Variants in PRELID2 observed in about 807,000 individuals in gnomAD.
The protein encoded by PRELID2 is PRELI domain-containing protein 2.
In PRELID2, 25 loss-of-function variants were observed where a neutral mutation model predicts 28.4. The observed-to-expected ratio is 0.88, with a 90% CI of 0.64 to 1.23. PRELID2 has a LOEUF of 1.23. Ranked by LOEUF, PRELID2 falls within the 50% of genes most tolerant of loss-of-function variation. PRELID2 has a pLI of 0.00. For missense variants in PRELID2, 201 were observed against 214.4 expected (o/e 0.94, Z 0.39); for synonymous variants, 76 against 71.6 (o/e 1.06, Z -0.31).
At chr5:145,462,487 A>C in the PRELID2 span, among the ~76,000 whole-genome samples, 1 of 152,230 alleles carries the variant, frequency 6.6e-6, no homozygotes, top group Non-Finnish European at 1.5e-5. Flanking sequence ...AGCTGTCCAA[A>C]AATTGCATGA....
At chr5:145,332,668 TA>T in the PRELID2 span, among the ~76,000 whole-genome samples, 5 of 152,084 alleles carry the variant, frequency 3.3e-5, no homozygotes, top group South Asian at 1.0e-3. Context: ...GCAATTCTTC[TA>T]ACCTTTTTTA....
intron 1 of PRELID2, among the ~76,000 whole-genome samples, chr5:145,602,971 GA>G (rs1190464255): frequency 6.6e-6 from 1 of 152,132 alleles, no homozygotes; most frequent in Non-Finnish European, 1.5e-5. Flanking sequence ...AGAATTGCTT[GA>G]ACCCAGGAGG....
At chr5:145,520,291 G>T (rs1228370179) in intron 1 of PRELID2, among the ~76,000 whole-genome samples, 1 of 152,222 alleles carries the variant, frequency 6.6e-6, no homozygotes, top group East Asian at 1.9e-4. Flanking sequence ...CTTCTGAACT[G>T]GTGGTAAAGG....
At chr5:145,314,214 C>T in the PRELID2 span, among the ~76,000 whole-genome samples, 2 of 152,252 alleles carry the variant, frequency 1.3e-5, no homozygotes, top group African/African-American at 4.8e-5. Context: ...GAACTGAAGC[C>T]CAGGTATGAT....
downstream of PRELID2, chr5:145,754,203 C>T (rs1757198140): frequency 6.6e-6 from 1 of 152,190 alleles, no homozygotes. Flanking sequence ...CCAGCTCCAC[C>T]CTTCTGTATA....
At chr5:145,762,570 G>T (rs1458951377) in intron 6 of PRELID2, among the ~76,000 whole-genome samples, 1 of 151,806 alleles carries the variant, frequency 6.6e-6, no homozygotes, top group East Asian at 1.9e-4. Context: ...ACAGAACATG[G>T]GTAACAAGAC....
intron 1 of PRELID2, among the ~76,000 whole-genome samples, chr5:145,737,423 A>AT (rs5871941): frequency 0.74 from 111,711 of 150,608 alleles, 43,272 homozygotes; most frequent in East Asian, 0.88. Flanking sequence ...GATGTTATTT[A>AT]TTTAAAAAAA....
At chr5:145,276,179 G>A in the PRELID2 span, among the ~76,000 whole-genome samples, 2 of 152,010 alleles carry the variant, frequency 1.3e-5, no homozygotes, top group African/African-American at 2.4e-5. Flanking sequence ...TTTTGATAAC[G>A]ATGGAATTTT....
At chr5:145,794,460 A>T (rs1752600280) in intron 5 of PRELID2, among the ~76,000 whole-genome samples, 1 of 152,200 alleles carries the variant, frequency 6.6e-6, no homozygotes, top group Admixed American at 6.6e-5. Flanking sequence ...CACTTCATTC[A>T]TCTGAGGGCT....
intron 1 of PRELID2, chr5:145,728,743 C>G: frequency 6.7e-7 from 1 of 1,502,682 alleles, no homozygotes; most frequent in Non-Finnish European, 9.3e-7. Flanking sequence ...CTCTCTTCAA[C>G]TGTTGTGAAG....
At chr5:145,809,615 A>G (rs1753794627) in intron 4 of PRELID2, among the ~76,000 whole-genome samples, 2 of 152,380 alleles carry the variant, frequency 1.3e-5, no homozygotes, top group South Asian at 4.1e-4. Context: ...GTCAAAAATA[A>G]GCAGCAGAGG....
At chr5:145,548,911 C>T (rs1469251246) in intron 1 of PRELID2, among the ~76,000 whole-genome samples, 1 of 152,160 alleles carries the variant, frequency 6.6e-6, no homozygotes, top group Non-Finnish European at 1.5e-5. Context: ...AAATTTATTC[C>T]ACATCTGCCA....
intron 1 of PRELID2, among the ~76,000 whole-genome samples, chr5:145,654,846 G>C (rs1028533659): frequency 6.6e-6 from 1 of 152,078 alleles, no homozygotes; most frequent in Non-Finnish European, 1.5e-5. Flanking sequence ...CACAAGACAG[G>C]GATGCCCTCT....
the PRELID2 span, among the ~76,000 whole-genome samples, chr5:145,385,143 C>A: frequency 6.6e-6 from 1 of 152,110 alleles, no homozygotes; most frequent in Non-Finnish European, 1.5e-5. Flanking sequence ...CACTTATAGT[C>A]TGCGTGTTAT....
the PRELID2 span, among the ~76,000 whole-genome samples, chr5:145,422,525 A>T: frequency 6.6e-6 from 1 of 151,466 alleles, no homozygotes; most frequent in East Asian, 1.9e-4. Context: ...GTTGGTTTAA[A>T]GTCTGTTTTA....
At chr5:145,650,473 C>T (rs1176056254) in intron 1 of PRELID2, among the ~76,000 whole-genome samples, 1 of 144,936 alleles carries the variant, frequency 6.9e-6, no homozygotes, top group Admixed American at 7.1e-5. Context: ...GGTTTGGCAT[C>T]ACCAGAAGCA....
At chr5:145,685,897 C>T (rs1036646938) in intron 1 of PRELID2, among the ~76,000 whole-genome samples, 18 of 152,126 alleles carry the variant, frequency 1.2e-4, no homozygotes, top group Non-Finnish European at 4.4e-5. Flanking sequence ...TGAGGAATCT[C>T]CTCCAAGATT....
At chr5:145,693,919 T>A (rs1424415334) in intron 1 of PRELID2, among the ~76,000 whole-genome samples, 3 of 152,094 alleles carry the variant, frequency 2.0e-5, no homozygotes, top group Non-Finnish European at 4.4e-5. Context: ...AGGGAGCAAA[T>A]CACAAGCAAT....
At chr5:145,799,588 T>G (rs375798744) in intron 4 of PRELID2, among the ~76,000 whole-genome samples, 166 of 152,092 alleles carry the variant, frequency 1.1e-3, no homozygotes, top group African/African-American at 3.8e-3. Context: ...TAAGGAGGCG[T>G]GAAGGAAGAG....
Sources: gnomAD v4.1 joint callset for allele counts (sites outside exome capture counted in the v4.1 genomes callset) on GRCh38, gnomAD v4.1.1 for gene constraint, MANE v1.5 for transcripts, NCBI Gene and HGNC (gene_info 2026-07-23, HGNC 2026-07-21) for gene names.